TUSC3: variants seen among roughly 807,000 people sequenced by gnomAD.
TUSC3 encodes the protein tumor suppressor candidate 3.
A neutral mutation model predicts 44.8 loss-of-function variants in TUSC3; 45 were observed. That is an observed-to-expected ratio of 1.00 (90% CI 0.79 to 1.29). The LOEUF is 1.29. Among genes scored for constraint, TUSC3 ranks in the 50% most tolerant of loss-of-function variants. The probability of loss-of-function intolerance (pLI) is 0.00; values close to 1 mark genes in which losing one functional copy is unlikely to be tolerated. For missense variants in TUSC3, 519 were observed against 437.9 expected (o/e 1.19, Z -1.65); for synonymous variants, 212 against 152.9 (o/e 1.39, Z -2.85).
At position 15,730,747 on chromosome 8, in the gene TUSC3, C is replaced by A. The variant is rs368411286; in HGVS notation, c.862+18C>A. On this transcript the variant is annotated intron_variant, in intron 7 of 10. Coordinates refer to ENST00000503731, the MANE Select transcript of TUSC3 (RefSeq NM_006765.4). ...GGTACTGAGTATCCTTTTAAGATAC[C>A]GACGAATTGAAAAGGGCAAACTAAA... 6.2e-7 allele frequency: 1 copy of A among 1,611,004 alleles called. No individual in the cohort carries two copies. Among genetic ancestry groups the A allele is most frequent in the Non-Finnish European group, 8.5e-7 (1 of 1,177,914 alleles).
chr8:15,491,591 C>G (rs1563265131), intron 2 of TUSC3, among the ~76,000 whole-genome samples: 1 of 152,136 alleles, frequency 6.6e-6, no homozygotes, highest in African/African-American at 2.4e-5. Flanking sequence ...TGCTTACATA[C>G]ACTGTGACAA....
intron 2 of TUSC3, among the ~76,000 whole-genome samples, chr8:15,502,830 A>G (rs911494690): frequency 3.3e-5 from 5 of 152,164 alleles, no homozygotes; most frequent in Admixed American, 6.5e-5. Context: ...TCTTTATCCT[A>G]CATTTTGCAG....
the TUSC3 span, among the ~76,000 whole-genome samples, chr8:15,832,530 A>C: frequency 1.3e-5 from 2 of 152,200 alleles, no homozygotes; most frequent in Admixed American, 6.5e-5. Flanking sequence ...TGCTGTCTTC[A>C]AGAGACCCAT....
At chr8:15,592,364 G>T (rs1208403759) in intron 1 of TUSC3, among the ~76,000 whole-genome samples, 1 of 152,100 alleles carries the variant, frequency 6.6e-6, no homozygotes, top group Non-Finnish European at 1.5e-5. Context: ...ATATTTGTCC[G>T]CTCCAAATCT....
At chr8:15,483,798 G>A (rs1422200164) in intron 2 of TUSC3, among the ~76,000 whole-genome samples, 2 of 151,892 alleles carry the variant, frequency 1.3e-5, no homozygotes, top group East Asian at 3.9e-4. Flanking sequence ...TGGGACTACA[G>A]GCGCCAGCCA....
intron 2 of TUSC3, among the ~76,000 whole-genome samples, chr8:15,529,817 G>A (rs1801427419): frequency 8.5e-6 from 1 of 118,038 alleles, no homozygotes; most frequent in African/African-American, 3.7e-5. Flanking sequence ...TTGAGACGGA[G>A]TCTCGCTCTG....
the TUSC3 span, among the ~76,000 whole-genome samples, chr8:15,794,733 C>A: frequency 6.6e-6 from 1 of 151,858 alleles, no homozygotes; most frequent in African/African-American, 2.4e-5. Flanking sequence ...TTTGGGAACC[C>A]AAATTTTTTA....
chr8:15,713,825 C>T (rs1416060639), intron 6 of TUSC3, among the ~76,000 whole-genome samples: 3 of 152,036 alleles, frequency 2.0e-5, no homozygotes, highest in Non-Finnish European at 4.4e-5. Context: ...GGGTTTTGGA[C>T]TTAGGCATTT....
chr8:15,635,971 A>G (rs930731050), intron 2 of TUSC3, among the ~76,000 whole-genome samples: 4 of 152,174 alleles, frequency 2.6e-5, no homozygotes, highest in African/African-American at 9.6e-5. Context: ...TAGATGTTTC[A>G]AAGAGCGGTG....
intron 10 of TUSC3, among the ~76,000 whole-genome samples, chr8:15,758,956 C>G (rs537042702): frequency 2.6e-5 from 4 of 152,228 alleles, no homozygotes; most frequent in East Asian, 3.9e-4. Flanking sequence ...GTTTTAGACT[C>G]AAAGACTTTT....
intron 2 of TUSC3, among the ~76,000 whole-genome samples, chr8:15,504,536 C>G (rs1427376016): frequency 8.2e-6 from 1 of 121,892 alleles, no homozygotes; most frequent in South Asian, 2.8e-4. Context: ...AAACAGAATT[C>G]CTATTTTGTT....
In TUSC3 at chr8:15,433,176, G is replaced by T. The variant is rs114903936; in HGVS notation, n.91+15871G>T. On this transcript the variant is annotated intron_variant and non_coding_transcript_variant, in intron 1 of 5. Transcript: ENST00000503191. ...ATAATTTTTTAAAGATGATATTTTGGTACCCAAGTAACTTCTTTCATTCTG... is the reference window on the plus strand; with the variant it reads ...ATAATTTTTTAAAGATGATATTTTGTTACCCAAGTAACTTCTTTCATTCTG... Among the ~76,000 whole-genome samples, 833 of 151,884 alleles carry T rather than the reference G, an allele frequency of 5.5e-3. 6 individuals are homozygous for T. The highest frequency in any genetic ancestry group is 0.02 in the Middle Eastern group (6 of 294).
At chr8:15,449,258 G>A (rs1373354967) in intron 1 of TUSC3, among the ~76,000 whole-genome samples, 5 of 152,174 alleles carry the variant, frequency 3.3e-5, no homozygotes, top group Non-Finnish European at 7.3e-5. Context: ...GAATATTTAT[G>A]AAAGAAGGAA....
At chr8:15,656,514 T>C (rs1807172708) in intron 3 of TUSC3, among the ~76,000 whole-genome samples, 1 of 152,130 alleles carries the variant, frequency 6.6e-6, no homozygotes, top group African/African-American at 2.4e-5. Context: ...AAGCTGGAGA[T>C]TATTTTTTTT....
chr8:15,501,938 C>T (rs1416427415), intron 2 of TUSC3, among the ~76,000 whole-genome samples: 6 of 152,260 alleles, frequency 3.9e-5, no homozygotes, highest in Middle Eastern at 3.4e-3. Flanking sequence ...CTGGAAGTAA[C>T]GACTGATAAC....
the TUSC3 span, among the ~76,000 whole-genome samples, chr8:15,817,320 C>G: frequency 6.8e-6 from 1 of 147,428 alleles, no homozygotes; most frequent in Non-Finnish European, 1.5e-5. Context: ...GATTTCTGAA[C>G]AACCAGAGAA....
chr8:15,739,916 C>T (rs201304099), intron 7 of TUSC3, among the ~76,000 whole-genome samples: 1 of 112,348 alleles, frequency 8.9e-6, no homozygotes, highest in Non-Finnish European at 1.9e-5. Flanking sequence ...GCTTCAGTTT[C>T]CTTGTTTGTA....
intron 1 of TUSC3, among the ~76,000 whole-genome samples, chr8:15,586,367 A>G (rs76389733): frequency 0.021 from 3,132 of 152,214 alleles, 96 homozygotes; most frequent in African/African-American, 0.07. Flanking sequence ...TGCATATTCA[A>G]AAGAGGAGTT....
chr8:15,485,626 C>G (rs1007207646), intron 2 of TUSC3, among the ~76,000 whole-genome samples: 31 of 152,074 alleles, frequency 2.0e-4, no homozygotes, highest in African/African-American at 7.5e-4. Flanking sequence ...TTTCTCTCTT[C>G]TATCTCTACT....
Sources: gnomAD v4.1 joint callset for allele counts (sites outside exome capture counted in the v4.1 genomes callset) on GRCh38, gnomAD v4.1.1 for gene constraint, MANE v1.5 for transcripts, NCBI Gene and HGNC (gene_info 2026-07-23, HGNC 2026-07-21) for gene names.